KCTD5: variants seen among roughly 807,000 people sequenced by gnomAD.
KCTD5 encodes the protein BTB/POZ domain-containing protein KCTD5.
KCTD5 carries 12 observed loss-of-function variants against 27.9 expected under a neutral mutation model. That is an observed-to-expected ratio of 0.43 (90% CI 0.28 to 0.70). The LOEUF is 0.70. Among genes scored for constraint, KCTD5 ranks in the 30% least tolerant of loss-of-function variants. The pLI, the probability that KCTD5 is intolerant of heterozygous loss-of-function variation, is 0.19. For missense variants in KCTD5, 226 were observed against 274.8 expected (o/e 0.82, Z 1.26); for synonymous variants, 147 against 121.4 (o/e 1.21, Z -1.39).
At chr16:2,706,352 G>A (rs138718767) in intron 5 of KCTD5, among the ~76,000 whole-genome samples, 233 of 152,322 alleles carry the variant, frequency 1.5e-3, no homozygotes, top group Non-Finnish European at 2.7e-3. Context: ...CGGCGAGGGC[G>A]TGGGCGTTGC....
In KCTD5 at chr16:2,682,987, G is replaced by T. The variant is rs558797850; in HGVS notation, c.252+187G>T. 1.7e-5 allele frequency: 11 copies of T among 629,324 alleles called. No individual in the cohort carries two copies. In the South Asian group the frequency reaches 1.8e-4, roughly 10 times the overall value. 39.0% of individuals were successfully genotyped at this position (629,324 alleles called of 1,614,324 possible). On this transcript the variant is annotated intron_variant, in intron 1 of 5. Coordinates refer to ENST00000301738, the MANE Select transcript of KCTD5 (RefSeq NM_018992.4). ...CGATCCCCTACCCTGGGAGGGGAGG[G>T]TGAGGATGGCGCCCTGGCGTCCACT...
chr16:2,693,028 C>T (rs935018100), intron 1 of KCTD5, among the ~76,000 whole-genome samples: 1 of 152,240 alleles, frequency 6.6e-6, no homozygotes, highest in Non-Finnish European at 1.5e-5. Context: ...CAGCCCCAGG[C>T]AGCCCCACGC....
chr16:2,702,226 T>A, intron 4 of KCTD5, 127 bp from the exon 5 acceptor site: 4 of 1,212,242 alleles, frequency 3.3e-6, no homozygotes, highest in Non-Finnish European at 4.7e-6. Flanking sequence ...TCCATCCATT[T>A]CCTGAAGCGT....
At position 2,707,676 on chromosome 16, in the gene KCTD5, G is replaced by A; in HGVS notation, c.*349G>A. 1.8e-6 allele frequency: 1 copy of A among 546,774 alleles called. No homozygotes were observed. 33.9% of individuals were successfully genotyped at this position (546,774 alleles called of 1,614,324 possible). On this transcript the variant is annotated 3_prime_UTR_variant, in exon 6 of 6. Coordinates refer to ENST00000301738, the MANE Select transcript of KCTD5 (RefSeq NM_018992.4). Reference sequence around the variant, plus strand: ...GGAAGCGTTCTTGGTGCTACACACAGTCTGGAAAAGCAGCCTGGGCTTCAC... The same window carrying A: ...GGAAGCGTTCTTGGTGCTACACACAATCTGGAAAAGCAGCCTGGGCTTCAC...
At chr16:2,688,311 G>T (rs1253635829) in intron 1 of KCTD5, among the ~76,000 whole-genome samples, 1 of 150,668 alleles carries the variant, frequency 6.6e-6, no homozygotes, top group African/African-American at 2.4e-5. Flanking sequence ...AGTGTGGTGG[G>T]GTGATCTCGG....
At chr16:2,692,771 C>T (rs376226028) in intron 1 of KCTD5, among the ~76,000 whole-genome samples, 5 of 152,350 alleles carry the variant, frequency 3.3e-5, no homozygotes, top group African/African-American at 1.2e-4. Context: ...CCATACATGG[C>T]GCCTGGGCTC....
chr16:2,687,694 C>T (rs2067546247), intron 1 of KCTD5, among the ~76,000 whole-genome samples: 2 of 152,324 alleles, frequency 1.3e-5, no homozygotes, highest in Admixed American at 1.3e-4. Flanking sequence ...CCAGGCATCC[C>T]AGGGACTCCT....
At chr16:2,704,492 C>T (rs1415169572) in intron 5 of KCTD5, among the ~76,000 whole-genome samples, 1 of 152,236 alleles carries the variant, frequency 6.6e-6, no homozygotes, top group Non-Finnish European at 1.5e-5. Flanking sequence ...GCTTCCCACG[C>T]CAGTCCCTCA....
intron 5 of KCTD5, among the ~76,000 whole-genome samples, chr16:2,703,646 A>G (rs983184066): frequency 2.9e-4 from 44 of 152,174 alleles, no homozygotes; most frequent in African/African-American, 1.1e-3. Flanking sequence ...GCCTGCGGCC[A>G]GCTCACGGCA....
At chr16:2,703,052 G>A (rs1008497087) in intron 5 of KCTD5, among the ~76,000 whole-genome samples, 6 of 152,322 alleles carry the variant, frequency 3.9e-5, no homozygotes, top group African/African-American at 9.6e-5. Context: ...TGGCAGCACC[G>A]GCGCAGACTC....
chr16:2,707,631 G>A lies in KCTD5; in HGVS notation c.*304G>A, dbSNP rs543426311. 857 of 597,586 alleles carry A rather than the reference G, an allele frequency of 1.4e-3. 1 individual carries two copies. Among genetic ancestry groups the A allele is most frequent in the Non-Finnish European group, 2.2e-3 (722 of 335,660 alleles). The allele number at this position is 597,586 out of a possible 1,614,324, so 37.0% of individuals were successfully genotyped here. A position where few individuals can be genotyped will look rare whatever the true frequency, so the allele number is the denominator to read the frequency against. On this transcript the variant is annotated 3_prime_UTR_variant, in exon 6 of 6. Coordinates refer to ENST00000301738, the MANE Select transcript of KCTD5 (RefSeq NM_018992.4). The stretch of plus-strand genomic sequence containing the variant: ...GCAGACACTCCCAGTCAGCCCGCTC[G>A]ATCCTGAAGATCGTGTGAAGGAAGC...
intron 3 of KCTD5, among the ~76,000 whole-genome samples, chr16:2,698,301 G>A (rs531537876): frequency 2.6e-5 from 4 of 152,318 alleles, no homozygotes; most frequent in East Asian, 1.9e-4. Flanking sequence ...AGGGCCGGTC[G>A]GGGAGACCCT....
intron 1 of KCTD5, among the ~76,000 whole-genome samples, chr16:2,693,845 C>A (rs528223646): frequency 6.7e-6 from 1 of 150,006 alleles, no homozygotes; most frequent in Non-Finnish European, 1.5e-5. Context: ...ACCTTTTGCT[C>A]GTAAAGAAAC....
rs574404755 is a variant in KCTD5, at chr16:2,688,485, A to C, written c.252+5685A>C. Among the ~76,000 whole-genome samples the C allele has an allele frequency of 1.8e-3, 268 of 152,096 alleles. 1 individual carries two copies. Among genetic ancestry groups the C allele is most frequent in the Admixed American group, 3.1e-3 (48 of 15,282 alleles). Reference sequence around the variant, plus strand: ...AGGCTGGTCTCGAACTCCTGACCTCAGGTCATCCGCCCTCCTTGGCCTCCC... The same window carrying C: ...AGGCTGGTCTCGAACTCCTGACCTCCGGTCATCCGCCCTCCTTGGCCTCCC... On this transcript the variant is annotated intron_variant, in intron 1 of 5. Transcript: ENST00000301738.
Position 2,707,688 on chromosome 16 carries a change from AGC to A in KCTD5, c.*362_*363del. 1.9e-6 allele frequency: 1 copy of A among 527,746 alleles called. No individual in the cohort carries two copies. 32.7% of individuals were successfully genotyped at this position (527,746 alleles called of 1,614,324 possible). ...GGTGCTACACACAGTCTGGAAAAGC[AGC>A]CTGGGCTTCACTGGCAGGAAGCGGC... On this transcript the variant is annotated 3_prime_UTR_variant, in exon 6 of 6. Coordinates refer to ENST00000301738, the MANE Select transcript of KCTD5 (RefSeq NM_018992.4).
chr16:2,707,280 G>A lies in KCTD5; in HGVS notation c.676-18G>A. The A allele has an allele frequency of 6.2e-7, 1 of 1,612,566 alleles. No individual in the cohort carries two copies. The highest frequency in any genetic ancestry group is 8.5e-7 in the Non-Finnish European group (1 of 1,178,658). The stretch of plus-strand genomic sequence containing the variant: ...TCCTCAGCCCAAGTCCTCATTTTAT[G>A]CATTTGGTGTTTTTCAGATTTTGCA... On this transcript the variant is annotated intron_variant, in intron 5 of 5. Coordinates refer to ENST00000301738, the MANE Select transcript of KCTD5 (RefSeq NM_018992.4).
At chr16:2,699,643 C>T (rs762366390) in intron 3 of KCTD5, among the ~76,000 whole-genome samples, 178 bp from the exon 4 acceptor site, 4 of 152,234 alleles carry the variant, frequency 2.6e-5, no homozygotes, top group Non-Finnish European at 5.9e-5. Flanking sequence ...CAGAAAACAG[C>T]AGCTGTTCGG....
At chr16:2,696,792 CG>C (rs2067588186) in intron 2 of KCTD5, among the ~76,000 whole-genome samples, 1 of 152,252 alleles carries the variant, frequency 6.6e-6, no homozygotes, top group Admixed American at 6.5e-5. Flanking sequence ...CGTGGAGTGA[CG>C]GGGGCTGTGG....
chr16:2,709,018 G>A lies in KCTD5; in HGVS notation c.*1691G>A, dbSNP rs927488548. 1 of 152,228 alleles carries A rather than the reference G, an allele frequency of 6.6e-6. No homozygotes were observed. Among genetic ancestry groups the A allele is most frequent in the East Asian group, 1.9e-4 (1 of 5,196 alleles). 9.4% of individuals were successfully genotyped at this position (152,228 alleles called of 1,614,324 possible). A position where few individuals can be genotyped will look rare whatever the true frequency, so the allele number is the denominator to read the frequency against. On this transcript the variant is annotated 3_prime_UTR_variant, in exon 6 of 6. Transcript: ENST00000301738. ...TCCCCTGGAAATAGCAAATAAAATTGTGTATTTATGAATGCGCGTAGTAGC... is the reference window on the plus strand; with the variant it reads ...TCCCCTGGAAATAGCAAATAAAATTATGTATTTATGAATGCGCGTAGTAGC...
Sources: gnomAD v4.1 joint callset for allele counts (sites outside exome capture counted in the v4.1 genomes callset) on GRCh38, gnomAD v4.1.1 for gene constraint, MANE v1.5 for transcripts, NCBI Gene and HGNC (gene_info 2026-07-23, HGNC 2026-07-21) for gene names.